Variants in FAM219A observed in about 807,000 individuals in gnomAD.
FAM219A encodes family with sequence similarity 219 member A.
Under a neutral mutation model 23.4 loss-of-function variants are expected in FAM219A, and 7 were observed. The ratio of observed to expected loss-of-function variants is 0.30; its 90% confidence interval spans 0.17 to 0.56. The LOEUF is 0.56. FAM219A is among the 20% of genes least tolerant of loss of function. FAM219A has a pLI of 0.92. For synonymous variants in FAM219A, 93 were observed against 99.0 expected (o/e 0.94, Z 0.36); for missense variants, 166 against 246.9 (o/e 0.67, Z 2.20).
chr9:34,416,141 A>G (rs1006113041), intron 1 of FAM219A, among the ~76,000 whole-genome samples: 12 of 150,772 alleles, frequency 8.0e-5, no homozygotes, highest in African/African-American at 2.9e-4. Context: ...GTGCCACTGC[A>G]TTCTAGCCTG....
intron 1 of FAM219A, among the ~76,000 whole-genome samples, chr9:34,425,100 C>T (rs940066435): frequency 3.3e-5 from 5 of 152,196 alleles, no homozygotes; most frequent in Non-Finnish European, 7.3e-5. Context: ...CCACCGCGCC[C>T]AGCCCTTTCT....
intron 1 of FAM219A, among the ~76,000 whole-genome samples, chr9:34,422,681 GGA>G (rs1170749373): frequency 6.6e-6 from 1 of 152,150 alleles, no homozygotes; most frequent in Non-Finnish European, 1.5e-5. Context: ...AGCTCAAGAT[GGA>G]GAGAGAGACT....
At chr9:34,452,317 G>C (rs146126556) in intron 1 of FAM219A, among the ~76,000 whole-genome samples, 2 of 152,130 alleles carry the variant, frequency 1.3e-5, no homozygotes, top group African/African-American at 2.4e-5. Context: ...GTAGAGCAAA[G>C]GAAAACAGCA....
In FAM219A at chr9:34,458,501, GC is replaced by G. The variant is rs1455389451; in HGVS notation, c.-239del. 2 of 375,892 alleles carry G rather than the reference GC, an allele frequency of 5.3e-6. No homozygotes were observed. Among genetic ancestry groups the G allele is most frequent in the East Asian group, 1.0e-4 (2 of 19,598 alleles). 23.3% of individuals were successfully genotyped at this position (375,892 alleles called of 1,614,324 possible). A position where few individuals can be genotyped will look rare whatever the true frequency, so the allele number is the denominator to read the frequency against. On this transcript the variant is annotated 5_prime_UTR_variant, in exon 1 of 6. Coordinates refer to ENST00000651358, the MANE Select transcript of FAM219A (RefSeq NM_001184940.2). This position sits in a 1 kb window ranked among gnomAD's most constrained non-coding sequence, Gnocchi z 6.6. ...ACTACCGCGGCTGTGGCCGGGCCGA[GC>G]CGCAGGTCTTGCCTCGCCTCCTACT...
intron 1 of FAM219A, among the ~76,000 whole-genome samples, chr9:34,420,566 C>T (rs893850123): frequency 6.6e-6 from 1 of 152,142 alleles, no homozygotes; most frequent in African/African-American, 2.4e-5. Context: ...TTTCCTTTAC[C>T]ATTGAGATAA....
At chr9:34,429,996 T>C (rs1321687760) in intron 1 of FAM219A, among the ~76,000 whole-genome samples, 1 of 152,078 alleles carries the variant, frequency 6.6e-6, no homozygotes, top group Non-Finnish European at 1.5e-5. Context: ...TATCCTGAAG[T>C]ATTAGGGTAT....
chr9:34,433,437 G>A (rs940328923), intron 1 of FAM219A, among the ~76,000 whole-genome samples: 1 of 152,126 alleles, frequency 6.6e-6, no homozygotes, highest in South Asian at 2.1e-4. Flanking sequence ...CAGGATCACT[G>A]CAGTAGTAAC....
intron 1 of FAM219A, among the ~76,000 whole-genome samples, chr9:34,456,389 G>T (rs1025588980): frequency 6.6e-6 from 1 of 152,154 alleles, no homozygotes; most frequent in South Asian, 2.1e-4. Flanking sequence ...AATAACAGAA[G>T]CACCAAGGAC....
At chr9:34,437,032 G>A (rs577034855) in intron 1 of FAM219A, among the ~76,000 whole-genome samples, 14 of 152,290 alleles carry the variant, frequency 9.2e-5, no homozygotes, top group African/African-American at 3.4e-4. Flanking sequence ...GCCACCAAAA[G>A]GAACTTGGGA....
At chr9:34,451,174 C>G (rs953266933) in intron 1 of FAM219A, among the ~76,000 whole-genome samples, 1 of 152,174 alleles carries the variant, frequency 6.6e-6, no homozygotes, top group Non-Finnish European at 1.5e-5. Context: ...TAGATGACTT[C>G]CCTACTCCAG....
rs1396972964 is a variant in FAM219A, at chr9:34,399,192, G to A, written c.*1772C>T. On this transcript the variant is annotated 3_prime_UTR_variant, in exon 6 of 6. Coordinates refer to ENST00000651358, the MANE Select transcript of FAM219A (RefSeq NM_001184940.2). ...CATGGGAGTGGATCCACCAGCACAT[G>A]TGGGGTGTTAGCATGAGATGATCCA... 2 of 152,276 alleles carry A rather than the reference G, an allele frequency of 1.3e-5. No homozygotes were observed. The highest frequency in any genetic ancestry group is 4.8e-5 in the African/African-American group (2 of 41,412). 9.4% of individuals were successfully genotyped at this position (152,276 alleles called of 1,614,324 possible).
Position 34,402,484 on chromosome 9 carries a change from G to C in FAM219A, c.264-17C>G. ...ACGACCAGCCTAGGTGAAGAATTTC[G>C]GGAGTTAGAGTGGCAAAGTGGAGCA... is the stretch of plus-strand genomic sequence containing the variant. On this transcript the variant is annotated splice_polypyrimidine_tract_variant and intron_variant, in intron 3 of 5. Transcript: ENST00000651358. 6.2e-7 allele frequency: 1 copy of C among 1,614,014 alleles called. No individual in the cohort carries two copies. The highest frequency in any genetic ancestry group is 1.7e-5 in the Admixed American group (1 of 60,022).
At position 34,458,194 on chromosome 9, in the gene FAM219A, GC is replaced by G; in HGVS notation, c.60+9del. 1 of 1,579,282 alleles carries G rather than the reference GC, an allele frequency of 6.3e-7. No homozygotes were observed. On this transcript the variant is annotated intron_variant, in intron 1 of 5. Transcript: ENST00000651358. This position sits in a 1 kb window ranked among gnomAD's most constrained non-coding sequence, Gnocchi z 6.6. ...TCCGGCCTTGGCCTGCCCGCCGCCC[GC>G]CCCCTCACCAGCGGCTGCATCTCCG...
rs184068141 is a variant in FAM219A, at chr9:34,458,536, G to A, written c.-273C>T. On this transcript the variant is annotated 5_prime_UTR_variant, in exon 1 of 6. Coordinates refer to ENST00000651358, the MANE Select transcript of FAM219A (RefSeq NM_001184940.2). The surrounding 1 kb of genome is among the most constrained non-coding windows in gnomAD (Gnocchi z 6.6). The stretch of plus-strand genomic sequence containing the variant: ...TTGCCTCGCCTCCTACTCCGCTGCC[G>A]CCTCCTGTCAGCAGCTCAGCCACTG... The A allele has an allele frequency of 5.3e-6, 2 of 374,324 alleles. No homozygotes were observed. The highest frequency in any genetic ancestry group is 9.7e-6 in the Non-Finnish European group (2 of 206,338). 23.2% of individuals were successfully genotyped at this position (374,324 alleles called of 1,614,324 possible). A position where few individuals can be genotyped will look rare whatever the true frequency, so the allele number is the denominator to read the frequency against.
At chr9:34,455,933 T>C (rs551542645) in intron 1 of FAM219A, among the ~76,000 whole-genome samples, 7 of 152,320 alleles carry the variant, frequency 4.6e-5, no homozygotes, top group African/African-American at 1.7e-4. Context: ...CAGCTCACTC[T>C]TGTAATCCTA....
At chr9:34,406,043 TC>T in intron 1 of FAM219A, 79 bp from the exon 2 acceptor site, 1 of 1,382,286 alleles carries the variant, frequency 7.2e-7, no homozygotes, top group Non-Finnish European at 9.9e-7. Context: ...AAGCTAGCCT[TC>T]CCACCTGCCC....
chr9:34,452,613 C>T (rs1003614375), intron 1 of FAM219A, among the ~76,000 whole-genome samples: 14 of 152,186 alleles, frequency 9.2e-5, no homozygotes, highest in African/African-American at 3.4e-4. Context: ...TTCCAACTTC[C>T]AATCTCATCT....
intron 1 of FAM219A, among the ~76,000 whole-genome samples, chr9:34,439,847 TAAG>T (rs1247264675): frequency 6.6e-6 from 1 of 152,144 alleles, no homozygotes; most frequent in Non-Finnish European, 1.5e-5. Flanking sequence ...GTCTTTATAA[TAAG>T]AACGAGTGGA....
intron 1 of FAM219A, among the ~76,000 whole-genome samples, chr9:34,433,150 A>G (rs1027203098): frequency 6.6e-6 from 1 of 152,224 alleles, no homozygotes; most frequent in Non-Finnish European, 1.5e-5. Context: ...ATGTATTTAT[A>G]TCAGTATGGA....
Sources: gnomAD v4.1 joint callset for allele counts (sites outside exome capture counted in the v4.1 genomes callset) on GRCh38, gnomAD v4.1.1 for gene constraint, Gnocchi (gnomAD v3.1) non-coding constraint, MANE v1.5 for transcripts, NCBI Gene and HGNC (gene_info 2026-07-23, HGNC 2026-07-21) for gene names.